The following ANK3 variants were observed in gnomAD, a reference collection of about 807,000 sequenced individuals.
The protein encoded by ANK3 is ankyrin-3.
A neutral mutation model predicts 370.9 loss-of-function variants in ANK3; 57 were observed. The observed-to-expected ratio is 0.15, with a 90% confidence interval of 0.12 to 0.19. ANK3 has a LOEUF of 0.19. Ranked by LOEUF, ANK3 falls within the 10% of genes least tolerant of loss-of-function variation. ANK3 has a pLI of 1.00. For missense variants in ANK3, 4,439 were observed against 5,302.1 expected (o/e 0.84, Z 5.06); for synonymous variants, 1,929 against 1,946.3 (o/e 0.99, Z 0.23).
chr10:60,428,334 AAGACGGTT>A (rs2063935497), intron 2 of ANK3, among the ~76,000 whole-genome samples: 1 of 152,254 alleles, frequency 6.6e-6, no homozygotes, highest in South Asian at 2.1e-4. Context: ...CTTCCTTTGA[AAGACGGTT>A]AGCTTCTGAA....
At chr10:60,179,907 G>A (rs1431528353) in intron 18 of ANK3, among the ~76,000 whole-genome samples, 1 of 152,128 alleles carries the variant, frequency 6.6e-6, no homozygotes, top group Admixed American at 6.5e-5. Flanking sequence ...TGCTGGGGCA[G>A]AAAAATGTTG....
chr10:60,250,404 GC>G (rs2097636023), intron 7 of ANK3, among the ~76,000 whole-genome samples: 1 of 151,898 alleles, frequency 6.6e-6, no homozygotes, highest in Non-Finnish European at 1.5e-5. Context: ...TCGCTCTGTC[GC>G]CCAGGCTGGA....
At chr10:60,564,883 T>C (rs1156317791) in intron 2 of ANK3, among the ~76,000 whole-genome samples, 2 of 152,210 alleles carry the variant, frequency 1.3e-5, no homozygotes, top group Non-Finnish European at 2.9e-5. Flanking sequence ...AAAATCCTTT[T>C]TCTGACATTC....
At chr10:60,168,392 A>C (rs2095682382) in intron 21 of ANK3, among the ~76,000 whole-genome samples, 1 of 152,190 alleles carries the variant, frequency 6.6e-6, no homozygotes, top group Non-Finnish European at 1.5e-5. Context: ...ATACATTATT[A>C]TTAAAGTTTA....
intron 1 of ANK3, among the ~76,000 whole-genome samples, chr10:60,331,185 C>A (rs1200436611): frequency 6.6e-6 from 1 of 151,986 alleles, no homozygotes; most frequent in Non-Finnish European, 1.5e-5. Flanking sequence ...TTGATGGGTG[C>A]AGCAAACCAC....
chr10:60,477,841 A>G (rs1201489849), intron 2 of ANK3, among the ~76,000 whole-genome samples: 1 of 152,138 alleles, frequency 6.6e-6, no homozygotes, highest in Non-Finnish European at 1.5e-5. Flanking sequence ...TTTCCACAGT[A>G]AAGAAACAAT....
At chr10:60,108,256 A>G (rs1443910965) in intron 27 of ANK3, 1 of 420,876 alleles carries the variant, frequency 2.4e-6, no homozygotes, top group Admixed American at 3.0e-5. Context: ...CCTCATTTAC[A>G]GGGGGAGGAT....
intron 43 of ANK3, among the ~76,000 whole-genome samples, chr10:60,038,094 T>A (rs943364880): frequency 1.3e-5 from 2 of 152,228 alleles, no homozygotes; most frequent in African/African-American, 4.8e-5. Flanking sequence ...GCCTGTCTTC[T>A]TTTGAAAAGT....
intron 23 of ANK3, chr10:60,140,352 T>C: frequency 6.2e-7 from 1 of 1,613,870 alleles, no homozygotes; most frequent in Non-Finnish European, 8.5e-7. Flanking sequence ...AAGATCTTAC[T>C]CTGCGGTAAA....
At position 60,526,615 on chromosome 10, in the gene ANK3, G is replaced by T. The variant is rs113914451; in HGVS notation, c.96+88571C>A. Among the ~76,000 whole-genome samples, 92 of 152,248 alleles carry T rather than the reference G, an allele frequency of 6.0e-4. 1 individual carries two copies. The highest frequency in any genetic ancestry group is 2.0e-3 in the African/African-American group (83 of 41,558). On this transcript the variant is annotated intron_variant, in intron 2 of 43. Coordinates refer to the ANK3 transcript ENST00000373827. ...AGGAATATATTAGGATCATTCTAAA[G>T]AGGTTGTTAGGATAGAGATAATCAG...
chr10:60,188,812 G>T (rs925152497), intron 16 of ANK3, among the ~76,000 whole-genome samples: 2 of 152,142 alleles, frequency 1.3e-5, no homozygotes, highest in African/African-American at 4.8e-5. Flanking sequence ...AACCCCAGCT[G>T]CCCTGAGAAG....
rs943075284 is a variant in ANK3, at chr10:60,573,136, TA to T, written c.96+42049del. On this transcript the variant is annotated intron_variant, in intron 2 of 43. Coordinates refer to the ANK3 transcript ENST00000373827. ...ATAAAAGATCAGGTTACTTGGTCTG[TA>T]AAAAAAAAATTCAATGATTCAAACA... is the stretch of plus-strand genomic sequence containing the variant. Among the ~76,000 whole-genome samples the T allele has an allele frequency of 3.5e-3, 519 of 148,268 alleles. 3 individuals carry two copies. Among genetic ancestry groups the T allele is most frequent in the African/African-American group, 0.012 (497 of 40,540 alleles).
intron 1 of ANK3, among the ~76,000 whole-genome samples, chr10:60,652,347 A>T (rs1245014943): frequency 7.2e-5 from 11 of 152,182 alleles, no homozygotes. Context: ...GGCTGCAGTG[A>T]GCCATGATTG....
rs1025797163 is a variant in ANK3, at chr10:60,064,202, T to C, written c.12406A>G (p.Met4136Val). ...NPNSLISQSF[M>V]LLKKWVTRDG... Reference sequence around the variant, plus strand: ...CTGGTAACCCATTTTTTTAATAACATGAAGCTCTGAGAAATTAAAGAATTT... The same window carrying C: ...CTGGTAACCCATTTTTTTAATAACACGAAGCTCTGAGAAATTAAAGAATTT... The change falls in exon 39 of 44, where the codon ATG becomes GTG. Residue 4136 changes from methionine (M) to valine (V), a missense_variant. Around this residue, in one of 13 missense-constraint regions of ANK3, gnomAD observed 99 missense variants for 150.7 expected, o/e 0.66. Coordinates refer to ENST00000280772, the MANE Select transcript of ANK3 (RefSeq NM_020987.5). 1.0e-5 allele frequency: 16 copies of C among 1,578,834 alleles called. No individual in the cohort carries two copies. Among genetic ancestry groups the C allele is most frequent in the African/African-American group, 2.8e-5 (2 of 72,232 alleles).
At chr10:60,333,465 C>A (rs879960312) in intron 1 of ANK3, among the ~76,000 whole-genome samples, 1 of 152,174 alleles carries the variant, frequency 6.6e-6, no homozygotes, top group South Asian at 2.1e-4. Flanking sequence ...TATGTCCCTG[C>A]AAAGGACATG....
At position 60,072,640 on chromosome 10, in the gene ANK3, T is replaced by C. The variant is rs780592579; in HGVS notation, c.8241A>G (p.Pro2747=). The C allele has an allele frequency of 2.5e-6, 4 of 1,613,990 alleles. No individual in the cohort carries two copies. In the African/African-American group the frequency reaches 4.0e-5, roughly 16 times the overall value. ...DRKSDGQSRI[P]VKKIQESKLP... ...GCTTGCTCTCCTGTATTTTTTTAACTGGGATTCTGGACTGGCCATCTGACT... is the reference window on the plus strand; with the variant it reads ...GCTTGCTCTCCTGTATTTTTTTAACCGGGATTCTGGACTGGCCATCTGACT... Residue 2747 remains proline, a synonymous_variant, in exon 37 of 44, where the codon CCA becomes CCG. Transcript: ENST00000280772.
intron 2 of ANK3, among the ~76,000 whole-genome samples, chr10:60,477,105 C>T (rs1343764568): frequency 6.6e-6 from 1 of 152,034 alleles, no homozygotes; most frequent in African/African-American, 2.4e-5. Flanking sequence ...GAAATTACTG[C>T]TTAAAATATA....
chr10:60,455,313 T>C (rs10994357), intron 2 of ANK3, among the ~76,000 whole-genome samples: 53,889 of 151,966 alleles, frequency 0.35, 9,673 homozygotes, highest in South Asian at 0.47. Context: ...GAAACATTCC[T>C]GATTAATACA....
chr10:60,492,220 T>A (rs2075526176), intron 2 of ANK3, among the ~76,000 whole-genome samples: 1 of 152,220 alleles, frequency 6.6e-6, no homozygotes, highest in South Asian at 2.1e-4. Flanking sequence ...CACCTAACAA[T>A]GTATTTGTTA....
Sources: allele counts gnomAD v4.1 joint callset (sites outside exome capture counted in the v4.1 genomes callset), GRCh38; gene constraint gnomAD v4.1.1; regional missense constraint gnomAD v4.1.1; transcripts MANE v1.5; gene names NCBI Gene and HGNC (gene_info 2026-07-23, HGNC 2026-07-21).